The following DPP6 variants were observed in gnomAD, a reference collection of about 807,000 sequenced individuals.
The protein encoded by DPP6 is dipeptidyl peptidase like 6.
Under a neutral mutation model 122.6 loss-of-function variants are expected in DPP6, and 69 were observed. The ratio of observed to expected loss-of-function variants is 0.56; its 90% CI spans 0.46 to 0.69. The LOEUF (loss-of-function observed/expected upper bound fraction) is 0.69, where lower values mean the gene tolerates loss of function less well. DPP6 is among the 30% of genes least tolerant of loss of function. The probability of loss-of-function intolerance (pLI) is 0.00; values close to 1 mark genes in which losing one functional copy is unlikely to be tolerated. For synonymous variants in DPP6, 418 were observed against 433.1 expected, an observed-to-expected ratio of 0.97 and a Z score of 0.43; for missense variants, 928 against 1,116.9, an observed-to-expected ratio of 0.83 and a Z score of 2.41.
At chr7:154,163,035 A>G (rs1239396753) in intron 1 of DPP6, among the ~76,000 whole-genome samples, 17 of 152,134 alleles carry the variant, frequency 1.1e-4, no homozygotes, top group African/African-American at 3.6e-4. Flanking sequence ...CATTGAGTCA[A>G]ACTTGACACC....
intron 3 of DPP6, among the ~76,000 whole-genome samples, chr7:154,522,588 C>T (rs1025994238): frequency 1.3e-5 from 2 of 152,160 alleles, no homozygotes; most frequent in African/African-American, 4.8e-5. Flanking sequence ...AGAAATATTA[C>T]TAGAAAACTT....
intron 1 of DPP6, among the ~76,000 whole-genome samples, chr7:154,265,914 A>G (rs1246232299): frequency 6.6e-6 from 1 of 152,236 alleles, no homozygotes; most frequent in East Asian, 1.9e-4. Context: ...AAGAAAAGAC[A>G]ATTATCTAAA....
chr7:154,442,665 GT>G (rs976722213), intron 1 of DPP6, among the ~76,000 whole-genome samples: 7 of 152,086 alleles, frequency 4.6e-5, no homozygotes, highest in Admixed American at 4.6e-4. Context: ...GGCAAAGGGT[GT>G]TTTTTTCTTG....
intron 16 of DPP6, among the ~76,000 whole-genome samples, chr7:154,809,770 C>T (rs909743832): frequency 1.3e-5 from 2 of 152,170 alleles, no homozygotes; most frequent in Non-Finnish European, 2.9e-5. Context: ...AAGTTTAAAT[C>T]GTGGTTTGAG....
At chr7:154,479,658 C>A (rs1366163071) in intron 3 of DPP6, among the ~76,000 whole-genome samples, 1 of 152,016 alleles carries the variant, frequency 6.6e-6, no homozygotes, top group Non-Finnish European at 1.5e-5. Flanking sequence ...AGCATTGCCT[C>A]TCCAAGTATT....
intron 1 of DPP6, among the ~76,000 whole-genome samples, chr7:154,019,725 T>C (rs1398995297): frequency 1.3e-5 from 2 of 152,176 alleles, no homozygotes; most frequent in Non-Finnish European, 2.9e-5. Context: ...ATTCTAAAGA[T>C]GGTGTTATTA....
chr7:154,296,186 C>T (rs186797510), intron 1 of DPP6, among the ~76,000 whole-genome samples: 20 of 152,050 alleles, frequency 1.3e-4, no homozygotes, highest in South Asian at 8.3e-4. Context: ...CCTTGTGATC[C>T]GCCTGCCTCG....
chr7:154,279,076 ATG>A (rs1804332674), intron 1 of DPP6, among the ~76,000 whole-genome samples: 1 of 144,838 alleles, frequency 6.9e-6, no homozygotes, highest in Non-Finnish European at 1.5e-5. Context: ...TGTGCAGCTG[ATG>A]TGTGTGTGGG....
chr7:154,839,780 C>T (rs1801373183), intron 16 of DPP6, among the ~76,000 whole-genome samples: 1 of 152,124 alleles, frequency 6.6e-6, no homozygotes. Flanking sequence ...AACGAGGAGT[C>T]CAGAATGCTG....
intron 3 of DPP6, among the ~76,000 whole-genome samples, chr7:154,505,978 A>G (rs554717521): frequency 3.3e-5 from 5 of 151,984 alleles, no homozygotes; most frequent in African/African-American, 4.8e-5. Flanking sequence ...ACTCTCCCCC[A>G]TTTATTTATA....
rs1444434918 is a variant in DPP6 at position 154,446,323 on chromosome 7, C to T, written c.353C>T (p.Thr118Ile). 1.2e-6 allele frequency: 2 copies of T among 1,610,610 alleles called. No homozygotes were observed. The highest frequency in any genetic ancestry group is 1.7e-6 in the Non-Finnish European group (2 of 1,177,620). The change falls in exon 2 of 26, where the codon ACA (threonine) becomes ATA (isoleucine). Residue 118 changes from threonine to isoleucine, a missense_variant. By Grantham distance (89) the Thr-to-Ile change is moderately conservative. Coordinates refer to ENST00000377770, the MANE Select transcript of DPP6 (RefSeq NM_130797.4). ...SLIVTSVILL[T>I]PAEDNSLSQK... ...ATCGTCACCTCGGTCATACTTCTGA[C>T]ACCAGGTACTGTATTCATTCTTGGA...
At chr7:153,765,561 A>AC in the DPP6 span, among the ~76,000 whole-genome samples, 1,134 of 151,338 alleles carry the variant, frequency 7.5e-3, 6 homozygotes, top group African/African-American at 0.025. Flanking sequence ...AAAAAAAAAA[A>AC]CAGAAAAAAA....
intron 1 of DPP6, among the ~76,000 whole-genome samples, chr7:153,938,336 G>T (rs1178373852): frequency 1.3e-5 from 2 of 152,172 alleles, no homozygotes; most frequent in African/African-American, 4.8e-5. Flanking sequence ...TGGCTGAAAA[G>T]GTGCGTAAGG....
At chr7:154,024,208 A>G (rs1211158066) in intron 1 of DPP6, among the ~76,000 whole-genome samples, 2 of 152,248 alleles carry the variant, frequency 1.3e-5, no homozygotes, top group Non-Finnish European at 2.9e-5. Context: ...TAGTTCAGCT[A>G]TCGATCCACA....
intron 25 of DPP6, chr7:154,889,994 C>G (rs1806469689): frequency 6.1e-6 from 1 of 164,298 alleles, no homozygotes; most frequent in Non-Finnish European, 1.3e-5. Flanking sequence ...CTGGGGCCAT[C>G]TGTAGCTAGG....
intron 21 of DPP6, among the ~76,000 whole-genome samples, chr7:154,883,325 C>T (rs909682643): frequency 6.7e-6 from 1 of 149,106 alleles, no homozygotes; most frequent in East Asian, 2.0e-4. Flanking sequence ...CTCACACATA[C>T]ACATGGTGTC....
chr7:154,154,406 C>T (rs1363584023), intron 1 of DPP6, among the ~76,000 whole-genome samples: 2 of 152,192 alleles, frequency 1.3e-5, no homozygotes, highest in Non-Finnish European at 2.9e-5. Context: ...ATTCAGCTGC[C>T]TGGGATCTTG....
intron 1 of DPP6, among the ~76,000 whole-genome samples, chr7:154,129,930 G>T (rs2150630537): frequency 6.6e-6 from 1 of 151,398 alleles, no homozygotes. Flanking sequence ...AAAAAAATTA[G>T]CTGGGCATGG....
intron 7 of DPP6, among the ~76,000 whole-genome samples, chr7:154,694,684 T>C (rs894402016): frequency 1.3e-5 from 2 of 152,122 alleles, no homozygotes; most frequent in African/African-American, 4.8e-5. Flanking sequence ...TCCCCAGCCT[T>C]TCAATCCTTG....
Sources: allele counts gnomAD v4.1 joint callset (sites outside exome capture counted in the v4.1 genomes callset), GRCh38; gene constraint gnomAD v4.1.1; transcripts MANE v1.5; gene names NCBI Gene and HGNC (gene_info 2026-07-23, HGNC 2026-07-21).